The following FBXL13 variants were observed in gnomAD, a reference collection of about 807,000 sequenced individuals.
FBXL13 encodes F-box and leucine rich repeat protein 13.
FBXL13 carries 67 observed loss-of-function variants against 83.6 expected under a neutral mutation model. The ratio of observed to expected loss-of-function variants is 0.80; its 90% CI spans 0.66 to 0.98. FBXL13 has a LOEUF of 0.98. FBXL13 is among the 50% of genes least tolerant of loss of function. FBXL13 has a pLI of 0.00. For missense variants in FBXL13, 822 were observed against 866.5 expected (o/e 0.95, Z 0.64); for synonymous variants, 272 against 299.5 (o/e 0.91, Z 0.95).
chr7:102,956,105 C>T lies in FBXL13; in HGVS notation c.724+7428G>A, dbSNP rs557590563. On this transcript the variant is annotated intron_variant, in intron 8 of 19. Coordinates refer to ENST00000313221, the Ensembl canonical transcript of FBXL13. Reference sequence around the variant, plus strand: ...AAAAAGAGAATTTTAGACCAATATCCCTGATGAATATCGATGCAAAAATCC... The same window carrying T: ...AAAAAGAGAATTTTAGACCAATATCTCTGATGAATATCGATGCAAAAATCC... Among the ~76,000 whole-genome samples, 16 of 152,208 alleles carry T rather than the reference C, an allele frequency of 1.1e-4. No individual in the cohort carries two copies. In the South Asian group the frequency reaches 3.1e-3, roughly 30 times the overall value.
exon 6 of FBXL13, chr7:103,025,114 A>G (rs1367855077): frequency 1.9e-6 from 3 of 1,611,926 alleles, no homozygotes; most frequent in African/African-American, 2.7e-5. Flanking sequence ...TTAGAGTCTC[A>G]TCTACAAGAA....
Position 102,966,978 on chromosome 7 carries a change from G to GT in FBXL13, c.591+1043dup, listed in dbSNP as rs923140312. Among the ~76,000 whole-genome samples the GT allele has an allele frequency of 2.3e-3, 335 of 147,124 alleles. 3 individuals are homozygous for GT. Among genetic ancestry groups the GT allele is most frequent in the Admixed American group, 8.0e-3 (118 of 14,704 alleles). ...CTTGTAATCCTGTTTTGGTTTTTTT[G>GT]TTTTTTTTTTGAGATGGAGTCTCAC... On this transcript the variant is annotated intron_variant, in intron 7 of 19. Transcript: ENST00000313221.
At chr7:102,821,618 G>A (rs1198220211) in intron 19 of FBXL13, among the ~76,000 whole-genome samples, 4 of 152,148 alleles carry the variant, frequency 2.6e-5, no homozygotes, top group African/African-American at 7.2e-5. Flanking sequence ...CTCATTTTAA[G>A]CATTTCATAT....
chr7:102,834,086 A>AAGGAAGGAAGGAAGGAAGGG (rs1562925844), intron 17 of FBXL13, among the ~76,000 whole-genome samples: 1 of 93,678 alleles, frequency 1.1e-5, no homozygotes, highest in African/African-American at 4.6e-5. Context: ...GGAAGGAAAG[A>AAGGAAGGAAGGAAGGAAGGG]AAAGAAAGAA....
chr7:103,011,839 TG>T (rs1012040030), intron 6 of FBXL13, among the ~76,000 whole-genome samples: 4 of 151,836 alleles, frequency 2.6e-5, no homozygotes, highest in African/African-American at 9.7e-5. Flanking sequence ...CCAAGAAATA[TG>T]GGATTATGTA....
chr7:103,038,550 A>G (rs930266359), intron 2 of FBXL13, among the ~76,000 whole-genome samples: 1 of 152,184 alleles, frequency 6.6e-6, no homozygotes, highest in Non-Finnish European at 1.5e-5. Context: ...ACTGGGAAAC[A>G]TCTCCCAGTA....
At chr7:102,864,189 C>T (rs1276781349) in intron 16 of FBXL13, among the ~76,000 whole-genome samples, 2 of 152,140 alleles carry the variant, frequency 1.3e-5, no homozygotes, top group African/African-American at 2.4e-5. Context: ...GCCTCATCTC[C>T]CTCCACATCC....
chr7:102,928,149 AC>A (rs1818483918), intron 9 of FBXL13, among the ~76,000 whole-genome samples: 1 of 152,202 alleles, frequency 6.6e-6, no homozygotes, highest in Admixed American at 6.5e-5. Flanking sequence ...GGACATCCAA[AC>A]AAAATTAGAC....
chr7:102,963,007 A>T (rs1184104665), intron 8 of FBXL13, among the ~76,000 whole-genome samples: 3 of 122,324 alleles, frequency 2.5e-5, no homozygotes, highest in African/African-American at 7.9e-5. Context: ...ATATATATAT[A>T]AAAAAAAAAA....
At chr7:102,860,461 G>A (rs900619359) in intron 16 of FBXL13, among the ~76,000 whole-genome samples, 4 of 152,214 alleles carry the variant, frequency 2.6e-5, no homozygotes, top group African/African-American at 9.6e-5. Context: ...GAGACTTCAT[G>A]TGCAAAGTGT....
chr7:103,021,917 T>C (rs576044999), intron 6 of FBXL13, among the ~76,000 whole-genome samples: 30 of 152,216 alleles, frequency 2.0e-4, no homozygotes, highest in Non-Finnish European at 2.5e-4. Context: ...TGGAAGTCAG[T>C]GTGGTGATTC....
At chr7:102,869,459 C>G (rs1018484614) in intron 16 of FBXL13, among the ~76,000 whole-genome samples, 1 of 152,126 alleles carries the variant, frequency 6.6e-6, no homozygotes, top group Non-Finnish European at 1.5e-5. Flanking sequence ...CTTTGCTGTA[C>G]AGAAGCTTTT....
rs1397554579 is a variant in FBXL13, at chr7:102,961,517, C to T, written c.724+2016G>A. Among the ~76,000 whole-genome samples the T allele has an allele frequency of 2.1e-3, 297 of 138,896 alleles. 1 individual carries two copies. The highest frequency in any genetic ancestry group is 7.8e-3 in the African/African-American group (290 of 36,962). 91.1% of individuals were successfully genotyped at this position (138,896 alleles called of 152,430 possible). ...GTTCATATGGAACCAAAAAAGAGCC[C>T]GCATCGCCAAGTCAATCCTAAGCCA... is the stretch of plus-strand genomic sequence containing the variant. On this transcript the variant is annotated intron_variant, in intron 8 of 19. Transcript: ENST00000313221.
chr7:102,896,673 A>G (rs1422492491), intron 11 of FBXL13, among the ~76,000 whole-genome samples: 3 of 152,190 alleles, frequency 2.0e-5, no homozygotes, highest in Non-Finnish European at 2.9e-5. Context: ...ACAGTTAGCC[A>G]TTTCAGGTTC....
At chr7:102,861,364 C>T (rs1806809112) in intron 16 of FBXL13, among the ~76,000 whole-genome samples, 1 of 151,860 alleles carries the variant, frequency 6.6e-6, no homozygotes, top group Non-Finnish European at 1.5e-5. Flanking sequence ...TGCAGAATGT[C>T]TCACATTCTG....
In FBXL13 at chr7:102,841,249, G is replaced by GT. The variant is rs75520364; in HGVS notation, c.1720-8276dup. On this transcript the variant is annotated intron_variant, in intron 17 of 19. Transcript: ENST00000313221. ...ATTTTTGCCTTCAGACAATCTGACA[G>GT]TTTTTTTTTTTTTAACTTTTGGCAA... 5.0e-3 allele frequency among the ~76,000 whole-genome samples: 727 copies of GT among 145,250 alleles called. 3 individuals are homozygous for GT. Among genetic ancestry groups the GT allele is most frequent in the Non-Finnish European group, 6.4e-3 (422 of 65,606 alleles).
chr7:103,018,929 A>G (rs1792751541), intron 6 of FBXL13, among the ~76,000 whole-genome samples: 1 of 152,182 alleles, frequency 6.6e-6, no homozygotes, highest in Admixed American at 6.5e-5. Flanking sequence ...CAGAAAGTTA[A>G]CAAGGATATC....
intron 9 of FBXL13, among the ~76,000 whole-genome samples, chr7:102,926,937 C>T (rs956772754): frequency 1.3e-5 from 2 of 152,050 alleles, no homozygotes; most frequent in African/African-American, 4.8e-5. Context: ...TTTGAGATGG[C>T]TAAAATAAAA....
intron 6 of FBXL13, among the ~76,000 whole-genome samples, chr7:103,020,637 T>A (rs1793042782): frequency 1.3e-5 from 2 of 152,306 alleles, no homozygotes; most frequent in South Asian, 4.1e-4. Context: ...CAGCAAAGTC[T>A]CAGGATACAA....
Sources: gnomAD v4.1 joint callset for allele counts (sites outside exome capture counted in the v4.1 genomes callset) on GRCh38, gnomAD v4.1.1 for gene constraint, MANE v1.5 for transcripts, NCBI Gene and HGNC (gene_info 2026-07-23, HGNC 2026-07-21) for gene names.